Variants in KCNQ1 observed in about 807,000 individuals in gnomAD.
KCNQ1 encodes the protein potassium voltage-gated channel subfamily KQT member 1.
In KCNQ1, 49 loss-of-function variants were observed where a neutral mutation model predicts 72.4. The observed-to-expected ratio is 0.68, with a 90% CI of 0.54 to 0.86. The LOEUF (loss-of-function observed/expected upper bound fraction) is 0.86, where lower values mean the gene tolerates loss of function less well. Among genes scored for constraint, KCNQ1 ranks in the 40% least tolerant of loss-of-function variants. KCNQ1 has a pLI of 0.00. For missense variants in KCNQ1, 790 were observed against 945.1 expected (o/e 0.84, Z 2.15); for synonymous variants, 450 against 412.6 (o/e 1.09, Z -1.10).
chr11:2,748,951 GC>G lies in KCNQ1; in HGVS notation c.1515-19891del, dbSNP rs1228303982. Among the ~76,000 whole-genome samples the G allele has an allele frequency of 6.6e-6, 1 of 152,242 alleles. No individual in the cohort carries two copies. The highest frequency in any genetic ancestry group is 2.4e-5 in the African/African-American group (1 of 41,462). On this transcript the variant is annotated intron_variant, in intron 11 of 15. Coordinates refer to ENST00000155840, the MANE Select transcript of KCNQ1 (RefSeq NM_000218.3). This position sits in a 1 kb window ranked among gnomAD's most constrained non-coding sequence, Gnocchi z 6.2. ...CCTTGAGTCTAACTGGGGCTGTGCT[GC>G]CTTTGACGTGAGCTATTCAAAATGG...
intron 15 of KCNQ1, among the ~76,000 whole-genome samples, chr11:2,798,086 T>G (rs1469185343): frequency 2.0e-5 from 3 of 152,040 alleles, no homozygotes; most frequent in African/African-American, 7.2e-5. Flanking sequence ...TAGGGGTGTC[T>G]CTCCTCAACC....
rs952297486 is a variant in KCNQ1 at position 2,809,048 on chromosome 11, G to C, written c.1794+31011G>C. 6.8e-6 allele frequency among the ~76,000 whole-genome samples: 1 copy of C among 146,098 alleles called. No individual in the cohort carries two copies. The highest frequency in any genetic ancestry group is 2.5e-5 in the African/African-American group (1 of 40,618). ...GAATGGAGGAATGGATGGATGGAGGGGTGGGTAGGTGGGTGGGTAGGTGGG... is the reference window on the plus strand; with the variant it reads ...GAATGGAGGAATGGATGGATGGAGGCGTGGGTAGGTGGGTGGGTAGGTGGG... On this transcript the variant is annotated intron_variant, in intron 15 of 15. Transcript: ENST00000155840. This position sits in a 1 kb window ranked among gnomAD's most constrained non-coding sequence, Gnocchi z 7.1.
In KCNQ1 at chr11:2,654,180, G is replaced by A; in HGVS notation, c.1394-7781G>A. On this transcript the variant is annotated intron_variant, in intron 10 of 15. Transcript: ENST00000155840. This position sits in a 1 kb window ranked among gnomAD's most constrained non-coding sequence, Gnocchi z 6.4. ...GGCATGGGCAGCTGGCACAGGCTGT[G>A]GGGCTGCGGCTCAGCAATGTCACGC... 7 of 398,812 alleles carry A rather than the reference G, an allele frequency of 1.8e-5. No individual in the cohort carries two copies. The highest frequency in any genetic ancestry group is 2.7e-5 in the Non-Finnish European group (6 of 226,254). The allele number at this position is 398,812 out of a possible 1,614,324, so 24.7% of individuals were successfully genotyped here. A position where few individuals can be genotyped will look rare whatever the true frequency, so the allele number is the denominator to read the frequency against.
Position 2,818,692 on chromosome 11 carries a change from C to G in KCNQ1, c.1795-29075C>G, listed in dbSNP as rs1847670522. On this transcript the variant is annotated intron_variant, in intron 15 of 15. Transcript: ENST00000155840. The surrounding 1 kb of genome is among the most constrained non-coding windows in gnomAD (Gnocchi z 7.2). ...CCGGGCCCACCTGTTGGGTCCTTAGCACCAGCTGCCCAGAGCCCCCAGCCC... is the reference window on the plus strand; with the variant it reads ...CCGGGCCCACCTGTTGGGTCCTTAGGACCAGCTGCCCAGAGCCCCCAGCCC... 6.6e-6 allele frequency among the ~76,000 whole-genome samples: 1 copy of G among 152,174 alleles called. No individual in the cohort carries two copies. Among genetic ancestry groups the G allele is most frequent in the Admixed American group, 6.5e-5 (1 of 15,286 alleles).
chr11:2,812,003 G>T (rs1050095834), intron 15 of KCNQ1, among the ~76,000 whole-genome samples: 8 of 152,000 alleles, frequency 5.3e-5, no homozygotes, highest in Admixed American at 5.2e-4. Flanking sequence ...CGGCTGTGCC[G>T]CCTCTCGTTC....
In KCNQ1 at chr11:2,745,826, G is replaced by A. The variant is rs539944962; in HGVS notation, c.1515-23018G>A. On this transcript the variant is annotated intron_variant, in intron 11 of 15. Transcript: ENST00000155840. The surrounding 1 kb of genome is among the most constrained non-coding windows in gnomAD (Gnocchi z 6.2). ...CCCGGGGCCAGGACCAGGAGCAGGC[G>A]GCAGCAGCAAGGCAGCTCATCCTCG... 8.5e-5 allele frequency among the ~76,000 whole-genome samples: 13 copies of A among 152,244 alleles called. No individual in the cohort carries two copies. Among genetic ancestry groups the A allele is most frequent in the Non-Finnish European group, 1.2e-4 (8 of 68,046 alleles).
Position 2,752,424 on chromosome 11 carries a change from A to G in KCNQ1, c.1515-16420A>G, listed in dbSNP as rs953540674. Among the ~76,000 whole-genome samples, 2 of 152,024 alleles carry G rather than the reference A, an allele frequency of 1.3e-5. No individual in the cohort carries two copies. Among genetic ancestry groups the G allele is most frequent in the African/African-American group, 4.8e-5 (2 of 41,390 alleles). On this transcript the variant is annotated intron_variant, in intron 11 of 15. Coordinates refer to ENST00000155840, the MANE Select transcript of KCNQ1 (RefSeq NM_000218.3). The surrounding 1 kb of genome is among the most constrained non-coding windows in gnomAD (Gnocchi z 5.2). Reference sequence around the variant, plus strand: ...GTGGTCTCTCGGGGGGTCCGATGGGATACCTAGTGTCTTAATCTGTTCAGT... The same window carrying G: ...GTGGTCTCTCGGGGGGTCCGATGGGGTACCTAGTGTCTTAATCTGTTCAGT...
chr11:2,672,123 C>T (rs1235187768), intron 11 of KCNQ1: 1 of 398,646 alleles, frequency 2.5e-6, no homozygotes, highest in African/African-American at 2.1e-5. Context: ...TCTTCTCCCA[C>T]CTAATCCTCC....
chr11:2,733,814 A>ACACACACACACACACACACCCT, intron 11 of KCNQ1, among the ~76,000 whole-genome samples: 1 of 86,614 alleles, frequency 1.2e-5, no homozygotes. Flanking sequence ...ACACACACAC[A>ACACACACACACACACACACCCT]CTCTCTCACT....
At chr11:2,825,647 T>C (rs1406950192) in intron 15 of KCNQ1, among the ~76,000 whole-genome samples, 1 of 152,216 alleles carries the variant, frequency 6.6e-6, no homozygotes, top group Non-Finnish European at 1.5e-5. Flanking sequence ...GACCTGCCCA[T>C]GAGGAAGTCA....
At chr11:2,574,630 C>A (rs1282389145) in intron 6 of KCNQ1, among the ~76,000 whole-genome samples, 4 of 152,190 alleles carry the variant, frequency 2.6e-5, no homozygotes, top group Non-Finnish European at 5.9e-5. Flanking sequence ...CCGGTGGCTC[C>A]CCAGGCAGGC....
chr11:2,834,190 ATGGCTG>A (rs1848015670), intron 15 of KCNQ1, among the ~76,000 whole-genome samples: 1 of 152,022 alleles, frequency 6.6e-6, no homozygotes, highest in Non-Finnish European at 1.5e-5. Context: ...GGCACATGGC[ATGGCTG>A]GGGCTGGGGC....
rs954079527 is a variant in KCNQ1 at position 2,463,259 on chromosome 11, G to A, written c.386+17775G>A. Among the ~76,000 whole-genome samples the A allele has an allele frequency of 6.6e-6, 1 of 152,204 alleles. No homozygotes were observed. The highest frequency in any genetic ancestry group is 2.4e-5 in the African/African-American group (1 of 41,432). ...GAGCCTAATCCCTACCTGCCAGTGG[G>A]TGACACAGAAGGCAGGAATGCAGAA... On this transcript the variant is annotated intron_variant, in intron 1 of 15. Coordinates refer to ENST00000155840, the MANE Select transcript of KCNQ1 (RefSeq NM_000218.3). The surrounding 1 kb of genome is among the most constrained non-coding windows in gnomAD (Gnocchi z 7.0).
In KCNQ1 at chr11:2,544,368, GTGTATATATATGTGTGCATATA is replaced by G. The variant is rs1284995837; in HGVS notation, c.477+16354_477+16375del. On this transcript the variant is annotated intron_variant, in intron 2 of 15. Coordinates refer to ENST00000155840, the MANE Select transcript of KCNQ1 (RefSeq NM_000218.3). This position sits in a 1 kb window ranked among gnomAD's most constrained non-coding sequence, Gnocchi z 4.4. ...TATGTATATATATGTGTATATATAT[GTGTATATATATGTGTGCATATA>G]TGTGTATATATGTGTGTGTATATAT... Among the ~76,000 whole-genome samples the G allele has an allele frequency of 9.0e-5, 13 of 144,208 alleles. No individual in the cohort carries two copies. Among genetic ancestry groups the G allele is most frequent in the South Asian group, 9.0e-4 (4 of 4,458 alleles). 94.6% of individuals were successfully genotyped at this position (144,208 alleles called of 152,430 possible).
At chr11:2,843,342 G>A (rs181727961) in intron 15 of KCNQ1, among the ~76,000 whole-genome samples, 19 of 152,334 alleles carry the variant, frequency 1.2e-4, no homozygotes, top group African/African-American at 3.6e-4. Flanking sequence ...AAACATTCTA[G>A]GTACCGCCCT....
intron 15 of KCNQ1, among the ~76,000 whole-genome samples, chr11:2,800,468 G>A (rs1847238612): frequency 6.6e-6 from 1 of 152,216 alleles, no homozygotes; most frequent in South Asian, 2.1e-4. Context: ...CCTCACCTCG[G>A]CCCAAACCTG....
chr11:2,578,497 C>T (rs947141867), intron 6 of KCNQ1, among the ~76,000 whole-genome samples: 19 of 152,208 alleles, frequency 1.2e-4, no homozygotes, highest in Admixed American at 2.0e-4. Context: ...GCACTGAGGC[C>T]GAGGGCCCAG....
At chr11:2,643,350 C>A (rs1564843024) in intron 10 of KCNQ1, 1 of 398,358 alleles carries the variant, frequency 2.5e-6, no homozygotes, top group Non-Finnish European at 4.4e-6. Context: ...GTGTTGGGTG[C>A]ATATATGTTT....
chr11:2,550,861 C>T lies in KCNQ1; in HGVS notation c.478-19767C>T, dbSNP rs1477432216. Among the ~76,000 whole-genome samples the T allele has an allele frequency of 6.6e-6, 1 of 151,890 alleles. No homozygotes were observed. The highest frequency in any genetic ancestry group is 2.4e-5 in the African/African-American group (1 of 41,348). ...GGGCCCAGATGGCAGGCGAGGGGTG[C>T]CTGGGGAGGCTGCCAAGTGAGGGGG... On this transcript the variant is annotated intron_variant, in intron 2 of 15. Transcript: ENST00000155840. This position sits in a 1 kb window ranked among gnomAD's most constrained non-coding sequence, Gnocchi z 6.0.
Sources: allele counts gnomAD v4.1 joint callset (sites outside exome capture counted in the v4.1 genomes callset), GRCh38; gene constraint gnomAD v4.1.1; non-coding constraint Gnocchi (gnomAD v3.1); transcripts MANE v1.5; gene names NCBI Gene and HGNC (gene_info 2026-07-23, HGNC 2026-07-21).